Variants in PLCH1 observed in about 807,000 individuals in gnomAD.
PLCH1 encodes phospholipase C eta 1, also known as 1-phosphatidylinositol 4,5-bisphosphate phosphodiesterase eta-1.
PLCH1 carries 60 observed loss-of-function variants against 126.7 expected under a neutral mutation model. That is an observed-to-expected ratio of 0.47 (90% confidence interval 0.38 to 0.59). The LOEUF is 0.59. Among genes scored for constraint, PLCH1 ranks in the 20% least tolerant of loss-of-function variants. The probability of loss-of-function intolerance (pLI) is 0.00; values close to 1 mark genes in which losing one functional copy is unlikely to be tolerated. For synonymous variants in PLCH1, 719 were observed against 734.9 expected (o/e 0.98, Z 0.35); for missense variants, 1,723 against 2,040.0 (o/e 0.84, Z 2.99).
intron 21 of PLCH1, among the ~76,000 whole-genome samples, chr3:155,458,453 GGAA>G (rs1712545643): frequency 3.5e-5 from 1 of 28,686 alleles, no homozygotes; most frequent in Non-Finnish European, 5.6e-5. Context: ...AAGGAAGGAA[GGAA>G]AGAAAGAAAG....
chr3:155,610,477 A>C (rs1325037637), intron 2 of PLCH1, among the ~76,000 whole-genome samples: 3 of 152,034 alleles, frequency 2.0e-5, no homozygotes, highest in East Asian at 3.9e-4. Context: ...CCGTCAGGTA[A>C]CGTGCAAAGG....
intron 11 of PLCH1, among the ~76,000 whole-genome samples, chr3:155,522,825 G>A (rs10513477): frequency 1.3e-5 from 2 of 151,516 alleles, no homozygotes; most frequent in Non-Finnish European, 2.9e-5. Flanking sequence ...CTCCTCTCAG[G>A]TTGCTGTGTT....
At chr3:155,551,445 A>G (rs796256822) in intron 9 of PLCH1, among the ~76,000 whole-genome samples, 35 of 4,908 alleles carry the variant, frequency 7.1e-3, no homozygotes, top group African/African-American at 0.065. Flanking sequence ...GCTGCCTCAG[A>G]AAAAAAAAAA....
intron 2 of PLCH1, among the ~76,000 whole-genome samples, chr3:155,702,384 C>A (rs1746343840): frequency 6.6e-6 from 1 of 151,796 alleles, no homozygotes; most frequent in Non-Finnish European, 1.5e-5. Flanking sequence ...GAAGAAAAAA[C>A]AGTGAGGTGT....
At chr3:155,515,132 G>A (rs1720139996) in intron 11 of PLCH1, among the ~76,000 whole-genome samples, 1 of 152,118 alleles carries the variant, frequency 6.6e-6, no homozygotes, top group African/African-American at 2.4e-5. Flanking sequence ...CAGTCCTCAG[G>A]AACCTTATAA....
At chr3:155,631,662 A>G (rs1430122279) in intron 2 of PLCH1, among the ~76,000 whole-genome samples, 1 of 152,236 alleles carries the variant, frequency 6.6e-6, no homozygotes, top group Non-Finnish European at 1.5e-5. Context: ...CCTCCCACAG[A>G]ACAAGAACAA....
intron 13 of PLCH1, among the ~76,000 whole-genome samples, chr3:155,503,297 A>G (rs1465893050): frequency 6.6e-6 from 1 of 152,134 alleles, no homozygotes; most frequent in Non-Finnish European, 1.5e-5. Context: ...CCTGGTTTTG[A>G]ATTTAATATT....
intron 2 of PLCH1, among the ~76,000 whole-genome samples, chr3:155,655,209 G>A (rs1252108150): frequency 6.6e-6 from 1 of 152,138 alleles, no homozygotes; most frequent in African/African-American, 2.4e-5. Flanking sequence ...GCCAAGTCAG[G>A]AGGATCAATT....
intron 2 of PLCH1, among the ~76,000 whole-genome samples, chr3:155,607,136 T>C (rs920342673): frequency 3.3e-5 from 5 of 152,168 alleles, no homozygotes; most frequent in African/African-American, 7.2e-5. Flanking sequence ...CTCTTAAAAA[T>C]GCAAATTTAG....
At chr3:155,478,098 A>G (rs1218949358), downstream of PLCH1, among the ~76,000 whole-genome samples, 1 of 152,150 alleles carries the variant, frequency 6.6e-6, no homozygotes, top group Non-Finnish European at 1.5e-5. Context: ...TTACAACAAC[A>G]TGGATGGAAC....
intron 8 of PLCH1, among the ~76,000 whole-genome samples, chr3:155,557,107 C>T (rs933153447): frequency 1.3e-5 from 2 of 152,184 alleles, no homozygotes; most frequent in African/African-American, 4.8e-5. Flanking sequence ...CAGAGAGTGT[C>T]TACTATTCCT....
Position 155,506,309 on chromosome 3 carries a change from C to A in PLCH1, c.1633-1683G>T, listed in dbSNP as rs115223535. Among the ~76,000 whole-genome samples, 438 of 151,066 alleles carry A rather than the reference C, an allele frequency of 2.9e-3. 2 individuals are homozygous for A. Among genetic ancestry groups the A allele is most frequent in the African/African-American group, 9.3e-3 (382 of 41,080 alleles). On this transcript the variant is annotated intron_variant, in intron 12 of 22. Transcript: ENST00000460012. ...TACAAGTCCTCTCTCTGGCTTCCTT[C>A]CACTTCTCCAACATTTTCTATCCCA...
At chr3:155,633,734 C>T (rs544178848) in intron 2 of PLCH1, among the ~76,000 whole-genome samples, 14 of 152,136 alleles carry the variant, frequency 9.2e-5, no homozygotes, top group Non-Finnish European at 1.5e-4. Context: ...TCAGCCTGGC[C>T]AACATGGCCA....
Position 155,482,570 on chromosome 3 carries a change from A to C in PLCH1, c.3456T>G (p.Cys1152Trp), listed in dbSNP as rs1157584781. The C allele has an allele frequency of 6.2e-7, 1 of 1,614,212 alleles. No homozygotes were observed. The highest frequency in any genetic ancestry group is 1.3e-5 in the African/African-American group (1 of 75,044). Residue 1152 changes from cysteine (C) to tryptophan (W), a missense_variant, in exon 23 of 23, where the codon TGT becomes TGG. Around this residue, in one of 2 missense-constraint regions of PLCH1, gnomAD observed 947 missense variants for 977.1 expected, o/e 0.97. Transcript: ENST00000460012. Reference sequence around the variant, plus strand: ...TTGAATGTAGGTCAGGTATGTCAGAACAGAGCATGGAGACGTCTGACAAAG... The same window carrying C: ...TTGAATGTAGGTCAGGTATGTCAGACCAGAGCATGGAGACGTCTGACAAAG... ...SFSLSDVSML[C>W]SDIPDLHSTA...
intron 8 of PLCH1, among the ~76,000 whole-genome samples, chr3:155,564,141 C>T (rs776721577): frequency 6.6e-6 from 1 of 152,150 alleles, no homozygotes; most frequent in Non-Finnish European, 1.5e-5. Context: ...AAATGTTCAT[C>T]CCTTCTACTA....
chr3:155,618,895 C>T (rs62287280), intron 2 of PLCH1, among the ~76,000 whole-genome samples: 1,691 of 152,302 alleles, frequency 0.011, 19 homozygotes, highest in Middle Eastern at 0.037. Flanking sequence ...GACCTGCACA[C>T]CCTGTCCCTC....
rs560777687 is a variant in PLCH1, at chr3:155,490,358, T to C, written c.2392+426A>G. The stretch of plus-strand genomic sequence containing the variant: ...CAAGAAGTAAACTCGCCAGACTATA[T>C]TGTGCTTGCCTTTAGAGTTTTACAT... On this transcript the variant is annotated intron_variant, in intron 19 of 22. Transcript: ENST00000460012. Among the ~76,000 whole-genome samples the C allele has an allele frequency of 3.9e-5, 6 of 152,280 alleles. No individual in the cohort carries two copies. The South Asian group carries it at 1.0e-3, about 26-fold the overall frequency.
At chr3:155,501,743 C>T (rs541496476) in intron 13 of PLCH1, among the ~76,000 whole-genome samples, 45 of 151,678 alleles carry the variant, frequency 3.0e-4, no homozygotes, top group African/African-American at 1.0e-3. Flanking sequence ...TGCAGCGAGC[C>T]GAGATCCCAC....
At chr3:155,470,331 A>G (rs368981454) in intron 21 of PLCH1, among the ~76,000 whole-genome samples, 4 of 152,322 alleles carry the variant, frequency 2.6e-5, no homozygotes, top group South Asian at 2.1e-4. Context: ...TATCAGCGAT[A>G]GAAGATGAAA....
Sources: gnomAD v4.1 joint callset for allele counts (sites outside exome capture counted in the v4.1 genomes callset) on GRCh38, gnomAD v4.1.1 for gene constraint, gnomAD v4.1.1 regional missense constraint, MANE v1.5 for transcripts, NCBI Gene and HGNC (gene_info 2026-07-23, HGNC 2026-07-21) for gene names.